The following INF2 variants were observed in gnomAD, a reference collection of about 807,000 sequenced individuals.
INF2 encodes inverted formin 2, also known as inverted formin-2.
INF2 carries 43 observed loss-of-function variants against 123.5 expected under a neutral mutation model. That is an observed-to-expected ratio of 0.35 (90% CI 0.27 to 0.45). The LOEUF is 0.45. Ranked by LOEUF, INF2 falls within the 20% of genes least tolerant of loss-of-function variation. The pLI is 1.00. For missense variants in INF2, 1,453 were observed against 1,682.7 expected (o/e 0.86, Z 2.39); for synonymous variants, 851 against 745.0 (o/e 1.14, Z -2.32).
At chr14:104,683,194 A>T (rs953031762) in intron 1 of INF2, among the ~76,000 whole-genome samples, 4 of 16,840 alleles carry the variant, frequency 2.4e-4, no homozygotes, top group Non-Finnish European at 5.3e-4. Context: ...GGGGGAGGGG[A>T]GGGGTGGAGG....
At chr14:104,700,927 G>A (rs1294069199) in intron 1 of INF2, 9 of 934,244 alleles carry the variant, frequency 9.6e-6, no homozygotes, top group Admixed American at 6.2e-5. Context: ...GGTGAGATAA[G>A]GCAGCCTCAG....
rs1595171837 is a variant in INF2, at chr14:104,707,987, T to C, written c.1720T>C (p.Ser574Pro). 1 of 1,597,974 alleles carries C rather than the reference T, an allele frequency of 6.3e-7. No homozygotes were observed. The highest frequency in any genetic ancestry group is 8.5e-7 in the Non-Finnish European group (1 of 1,179,690). Reference protein sequence around the residue: ...MKKLNWQKLPSNVAREHNSMW... With the variant: ...MKKLNWQKLPPNVAREHNSMW... ...GAAGCTGAACTGGCAGAAGCTGCCA[T>C]CCAACGTGGCACGTGGTGAGGGTCC... The change falls in exon 8 of 23, where the codon TCC becomes CCC. Residue 574 changes from serine (S) to proline (P), a missense_variant. Physicochemically the swap from Ser to Pro is moderately conservative, Grantham distance 74. This residue lies in a region of INF2 where 192 missense variants were observed against 274.4 expected (regional missense o/e 0.70). Transcript: ENST00000392634.
rs1394824888 is a variant in INF2 at position 104,707,469 on chromosome 14, A to C, written c.1202A>C (p.Gln401Pro). Residue 401 changes from glutamine to proline, a missense_variant, in exon 8 of 23, where the codon CAG (glutamine) becomes CCG (proline). Physicochemically the swap from Gln to Pro is moderately conservative, Grantham distance 76. This residue lies in a region of INF2 where 374 missense variants were observed against 303.7 expected (regional missense o/e 1.23). Coordinates refer to ENST00000392634, the MANE Select transcript of INF2 (RefSeq NM_022489.4). ...GCCTGCGAGCCCGTGGACCACGCCC[A>C]GAGTGAGAGCATCCTGAAAGTTTCG... ...AAACEPVDHA[Q>P]SESILKVSQP... The C allele has an allele frequency of 6.4e-7, 1 of 1,553,588 alleles. No homozygotes were observed. The highest frequency in any genetic ancestry group is 1.9e-5 in the Admixed American group (1 of 51,634).
At position 104,689,727 on chromosome 14, in the gene INF2, G is replaced by T; in HGVS notation, c.-22G>T. On this transcript the variant is annotated 5_prime_UTR_variant, in exon 1 of 23. Coordinates refer to ENST00000392634, the MANE Select transcript of INF2 (RefSeq NM_022489.4). The stretch of plus-strand genomic sequence containing the variant: ...CCGGCCGCACCACCGCCCTCTGGCC[G>T]TTGCCTCACCGGGTAAGTCCTTGGC... 1.0e-6 allele frequency: 1 copy of T among 985,106 alleles called. No homozygotes were observed. Among genetic ancestry groups the T allele is most frequent in the Non-Finnish European group, 1.2e-6 (1 of 829,852 alleles). 61.0% of individuals were successfully genotyped at this position (985,106 alleles called of 1,614,324 possible).
intron 1 of INF2, among the ~76,000 whole-genome samples, chr14:104,694,606 G>A (rs372131052): frequency 6.6e-6 from 1 of 152,208 alleles, no homozygotes; most frequent in African/African-American, 2.4e-5. Flanking sequence ...TTGAGGACAG[G>A]AACCAGGAGA....
chr14:104,689,135 G>T, upstream of INF2: 1 of 891,760 alleles, frequency 1.1e-6, no homozygotes. Context: ...TGATGGGTAG[G>T]CTCTCTCTCC....
chr14:104,706,798 C>A, intron 6 of INF2, 112 bp from the exon 7 acceptor site: 2 of 1,203,700 alleles, frequency 1.7e-6, no homozygotes, highest in South Asian at 1.4e-5. Flanking sequence ...CTCTAGGGAT[C>A]CGTGGGAATA....
chr14:104,710,702 G>A (rs1890011130), intron 13 of INF2: 2 of 580,580 alleles, frequency 3.4e-6, no homozygotes, highest in Admixed American at 6.0e-5. Flanking sequence ...GAGAGGGACA[G>A]GTACGGACCA....
chr14:104,707,726 C>G lies in INF2; in HGVS notation c.1459C>G (p.Leu487Val). Residue 487 changes from leucine (L) to valine (V), a missense_variant, in exon 8 of 23, where the codon CTG becomes GTG. By Grantham distance (32) the Leu-to-Val change is conservative. Around this residue, in one of 8 missense-constraint regions of INF2, gnomAD observed 374 missense variants for 303.7 expected, o/e 1.23. Coordinates refer to ENST00000392634, the MANE Select transcript of INF2 (RefSeq NM_022489.4). ...PPPLPGSCEF[L>V]PPPPPPLPGL... ...ACCCCTGCCAGGCTCCTGTGAGTTC[C>G]TGCCCCCACCACCTCCACCACTCCC... 1 of 1,329,298 alleles carries G rather than the reference C, an allele frequency of 7.5e-7. No individual in the cohort carries two copies. The allele number at this position is 1,329,298 out of a possible 1,614,324, so 82.3% of individuals were successfully genotyped here.
At chr14:104,704,780 G>A (rs1326106884) in intron 5 of INF2, 3 of 152,268 alleles carry the variant, frequency 2.0e-5, no homozygotes, top group African/African-American at 4.8e-5. Context: ...GTACCCCCGA[G>A]TCTAAAATAA....
intron 22 of INF2, chr14:104,717,541 A>G (rs993550115): frequency 1.3e-5 from 2 of 152,280 alleles, no homozygotes; most frequent in Non-Finnish European, 2.9e-5. Flanking sequence ...TTATCATATC[A>G]CTTCAGTCTC....
At chr14:104,712,112 C>T (rs1487242149) in intron 16 of INF2, among the ~76,000 whole-genome samples, 4 of 152,114 alleles carry the variant, frequency 2.6e-5, no homozygotes, top group African/African-American at 9.7e-5. Context: ...GGCCACCCCA[C>T]TACACAGTCC....
At position 104,714,687 on chromosome 14, in the gene INF2, C is replaced by G. The variant is rs774238837; in HGVS notation, c.3525C>G (p.Asp1175Glu). ...AAGPGGDEDE[D>E]EEDTAPESAL... ...GCCCAGGTGGGGATGAGGACGAGGACGAGGAGGACACGGCCCCAGAGTCCG... is the reference window on the plus strand; with the variant it reads ...GCCCAGGTGGGGATGAGGACGAGGAGGAGGAGGACACGGCCCCAGAGTCCG... Residue 1175 changes from aspartate to glutamate, a missense_variant, in exon 21 of 23, where the codon GAC becomes GAG. Asp to Glu is a conservative substitution (Grantham distance 45). This residue lies in a region of INF2 where 344 missense variants were observed against 333.1 expected (regional missense o/e 1.03). Coordinates refer to ENST00000392634, the MANE Select transcript of INF2 (RefSeq NM_022489.4). 5.6e-6 allele frequency: 9 copies of G among 1,611,222 alleles called. No homozygotes were observed. The highest frequency in any genetic ancestry group is 1.3e-5 in the African/African-American group (1 of 74,890).
intron 6 of INF2, 102 bp downstream of exon 6, chr14:104,706,278 C>A: frequency 8.0e-7 from 1 of 1,242,452 alleles, no homozygotes; most frequent in Non-Finnish European, 1.1e-6. Context: ...CCTGGTCAGA[C>A]CCTGCTGTGA....
intron 20 of INF2, among the ~76,000 whole-genome samples, 161 bp downstream of exon 20, chr14:104,713,767 G>A (rs963863469): frequency 1.3e-5 from 2 of 152,146 alleles, no homozygotes; most frequent in Non-Finnish European, 2.9e-5. Context: ...GGTGGTGGCC[G>A]CTCAGCCCTC....
At chr14:104,682,711 T>C (rs975283574) in intron 1 of INF2, among the ~76,000 whole-genome samples, 8 of 152,144 alleles carry the variant, frequency 5.3e-5, no homozygotes, top group African/African-American at 1.7e-4. Flanking sequence ...CTGTAAGAAC[T>C]GGGGAATTAT....
intron 1 of INF2, chr14:104,681,726 G>A (rs140097217): frequency 2.0e-4 from 122 of 609,972 alleles, no homozygotes; most frequent in African/African-American, 1.7e-3. Flanking sequence ...GTGCAGAGCC[G>A]GGACAGCCTG....
intron 18 of INF2, 75 bp downstream of exon 18, chr14:104,713,067 A>G (rs1890127997): frequency 3.1e-6 from 5 of 1,608,194 alleles, no homozygotes; most frequent in African/African-American, 1.3e-5. Context: ...CTCCGGCAGG[A>G]TGGGCAGAGG....
intron 1 of INF2, among the ~76,000 whole-genome samples, chr14:104,683,222 G>A (rs1439664149): frequency 6.6e-6 from 1 of 152,092 alleles, no homozygotes; most frequent in Admixed American, 6.6e-5. Context: ...GGGCCCTGGG[G>A]AGGCAGCACA....
Sources: allele counts gnomAD v4.1 joint callset (sites outside exome capture counted in the v4.1 genomes callset), GRCh38; gene constraint gnomAD v4.1.1; regional missense constraint gnomAD v4.1.1; transcripts MANE v1.5; gene names NCBI Gene and HGNC (gene_info 2026-07-23, HGNC 2026-07-21).